Variants in TMEM132B observed in about 807,000 individuals in gnomAD.
The protein encoded by TMEM132B is transmembrane protein 132B.
Under a neutral mutation model 90.8 loss-of-function variants are expected in TMEM132B, and 18 were observed. That is an observed-to-expected ratio of 0.20 (90% CI 0.14 to 0.29). The LOEUF (loss-of-function observed/expected upper bound fraction) is 0.29. Among genes scored for constraint, TMEM132B ranks in the 10% least tolerant of loss-of-function variants. The pLI, the probability that TMEM132B is intolerant of heterozygous loss-of-function variation, is 1.00. For missense variants in TMEM132B, 1,096 were observed against 1,326.8 expected (o/e 0.83, Z 2.70); for synonymous variants, 504 against 523.3 (o/e 0.96, Z 0.50).
intron 1 of TMEM132B, among the ~76,000 whole-genome samples, chr12:125,285,779 G>A (rs997857529): frequency 1.3e-5 from 2 of 152,220 alleles, no homozygotes; most frequent in Non-Finnish European, 2.9e-5. Context: ...TCCAGGGCCT[G>A]GCCTGGGGCG....
At chr12:125,373,222 G>C (rs147698151) in intron 2 of TMEM132B, among the ~76,000 whole-genome samples, 2 of 152,170 alleles carry the variant, frequency 1.3e-5, no homozygotes, top group Non-Finnish European at 2.9e-5. Flanking sequence ...GGAACCACAC[G>C]CCTTTACATC....
intron 5 of TMEM132B, among the ~76,000 whole-genome samples, chr12:125,608,531 T>G (rs1344718871): frequency 1.3e-5 from 2 of 152,222 alleles, no homozygotes; most frequent in Non-Finnish European, 2.9e-5. Context: ...TCCTTTCATT[T>G]TTCTGATAGT....
chr12:125,287,130 C>G (rs916466315), intron 1 of TMEM132B, among the ~76,000 whole-genome samples: 3 of 151,638 alleles, frequency 2.0e-5, no homozygotes, highest in Admixed American at 6.6e-5. Flanking sequence ...CTCCATCTCT[C>G]TCTGTCTCTG....
At position 125,498,527 on chromosome 12, in the gene TMEM132B, A is replaced by G. The variant is rs1882615562; in HGVS notation, c.1107-20912A>G. ...CTAGCAGAGAAATGTCTGTGATTAC[A>G]TAATAGGACATTGCAGTCCATGTGC... On this transcript the variant is annotated intron_variant, in intron 3 of 8. Coordinates refer to ENST00000682704, the MANE Select transcript of TMEM132B (RefSeq NM_001366854.1). The surrounding 1 kb of genome is among the most constrained non-coding windows in gnomAD (Gnocchi z 4.5). Among the ~76,000 whole-genome samples, 1 of 152,218 alleles carries G rather than the reference A, an allele frequency of 6.6e-6. No individual in the cohort carries two copies. The highest frequency in any genetic ancestry group is 2.4e-5 in the African/African-American group (1 of 41,456).
intron 3 of TMEM132B, among the ~76,000 whole-genome samples, chr12:125,511,929 G>A (rs947136757): frequency 6.6e-6 from 1 of 151,790 alleles, no homozygotes; most frequent in African/African-American, 2.4e-5. Flanking sequence ...CCTAGGAAGT[G>A]TCCCTCATCC....
At chr12:125,299,795 C>G (rs759808271) in intron 1 of TMEM132B, among the ~76,000 whole-genome samples, 4 of 152,228 alleles carry the variant, frequency 2.6e-5, no homozygotes, top group Non-Finnish European at 5.9e-5. Flanking sequence ...TCACCCTGGT[C>G]TAAGTGACCC....
intron 3 of TMEM132B, among the ~76,000 whole-genome samples, chr12:125,467,788 C>G (rs2136488614): frequency 6.6e-6 from 1 of 152,326 alleles, no homozygotes; most frequent in African/African-American, 2.4e-5. Flanking sequence ...TTCTCATAAC[C>G]TCTAATCTGC....
chr12:125,426,819 C>G (rs767919029), intron 3 of TMEM132B, among the ~76,000 whole-genome samples: 42 of 152,136 alleles, frequency 2.8e-4, no homozygotes, highest in Non-Finnish European at 5.3e-4. Context: ...TGCTGGAAAC[C>G]CTAGTGCAAG....
chr12:125,251,119 A>G lies in TMEM132B; in HGVS notation c.67+64253A>G, dbSNP rs1048025029. 6.6e-6 allele frequency among the ~76,000 whole-genome samples: 1 copy of G among 152,252 alleles called. No individual in the cohort carries two copies. The highest frequency in any genetic ancestry group is 2.4e-5 in the African/African-American group (1 of 41,482). On this transcript the variant is annotated intron_variant, in intron 1 of 8. Transcript: ENST00000682704. This position sits in a 1 kb window ranked among gnomAD's most constrained non-coding sequence, Gnocchi z 4.4. ...CATCCCCTTTGATTTCTTCAGTAGG[A>G]CATCATCCTTCAATAGGGCAGAGGT...
At chr12:125,353,336 G>C (rs966613025) in intron 2 of TMEM132B, among the ~76,000 whole-genome samples, 1 of 151,492 alleles carries the variant, frequency 6.6e-6, no homozygotes, top group Non-Finnish European at 1.5e-5. Flanking sequence ...TCACTGCTGT[G>C]GGGGGTTGGC....
At chr12:125,617,791 T>C (rs1886026962) in intron 5 of TMEM132B, among the ~76,000 whole-genome samples, 1 of 152,162 alleles carries the variant, frequency 6.6e-6, no homozygotes, top group African/African-American at 2.4e-5. Context: ...GTCTGATACA[T>C]TAAATTCAGG....
intron 5 of TMEM132B, among the ~76,000 whole-genome samples, chr12:125,588,839 C>T (rs921416182): frequency 1.3e-5 from 2 of 152,116 alleles, no homozygotes; most frequent in African/African-American, 4.8e-5. Context: ...TGGTGGAAAT[C>T]TTGTCAGATG....
chr12:125,304,887 G>A (rs1275722786), intron 1 of TMEM132B, among the ~76,000 whole-genome samples: 1 of 152,120 alleles, frequency 6.6e-6, no homozygotes, highest in Non-Finnish European at 1.5e-5. Context: ...CACATTCGTA[G>A]TGCAGGTATT....
Position 125,406,348 on chromosome 12 carries a change from A to T in TMEM132B, c.960-9183A>T, listed in dbSNP as rs1166614198. ...GCGGGGTTGCACGAGGCATCTGTGT[A>T]TTAGCAGTGCAAGGCGGAGGACAGT... On this transcript the variant is annotated intron_variant, in intron 2 of 8. Transcript: ENST00000682704. The surrounding 1 kb of genome is among the most constrained non-coding windows in gnomAD (Gnocchi z 8.3). Among the ~76,000 whole-genome samples the T allele has an allele frequency of 2.0e-5, 3 of 152,246 alleles. No individual in the cohort carries two copies. Among genetic ancestry groups the T allele is most frequent in the Non-Finnish European group, 4.4e-5 (3 of 68,038 alleles).
At chr12:125,510,025 T>C (rs1882940195) in intron 3 of TMEM132B, among the ~76,000 whole-genome samples, 1 of 152,208 alleles carries the variant, frequency 6.6e-6, no homozygotes, top group Non-Finnish European at 1.5e-5. Context: ...TTCTGAAAAG[T>C]TGTATTTAAG....
At chr12:125,632,473 T>G (rs981090802) in intron 5 of TMEM132B, among the ~76,000 whole-genome samples, 2 of 152,166 alleles carry the variant, frequency 1.3e-5, no homozygotes, top group Non-Finnish European at 2.9e-5. Flanking sequence ...GTGTCCTTAC[T>G]ATTACTAGTG....
At position 125,432,528 on chromosome 12, in the gene TMEM132B, T is replaced by TATAGAGAG. The variant is rs1458075923; in HGVS notation, c.1106+16852_1106+16853insTAGAGAGA. On this transcript the variant is annotated intron_variant, in intron 3 of 8. Coordinates refer to ENST00000682704, the MANE Select transcript of TMEM132B (RefSeq NM_001366854.1). ...GTGTGTGTGTATATATATATATATA[T>TATAGAGAG]AGAGAGAGAGAGAGAGAGAGAGAGA... is the stretch of plus-strand genomic sequence containing the variant. Among the ~76,000 whole-genome samples the TATAGAGAG allele has an allele frequency of 2.3e-3, 91 of 39,122 alleles. 21 individuals are homozygous for TATAGAGAG. The highest frequency in any genetic ancestry group is 5.6e-3 in the South Asian group (6 of 1,078). 25.7% of individuals were successfully genotyped at this position (39,122 alleles called of 152,430 possible).
intron 3 of TMEM132B, among the ~76,000 whole-genome samples, chr12:125,472,873 G>T (rs942191525): frequency 7.9e-5 from 12 of 152,170 alleles, no homozygotes; most frequent in African/African-American, 2.9e-4. Context: ...AGTCTAAAGT[G>T]TTTTGTTGTA....
intron 2 of TMEM132B, among the ~76,000 whole-genome samples, chr12:125,395,554 T>A (rs187902005): frequency 6.6e-6 from 1 of 152,356 alleles, no homozygotes; most frequent in Admixed American, 6.5e-5. Flanking sequence ...ATCTGTTCTC[T>A]TGTCCTTGGA....
Sources: allele counts gnomAD v4.1 joint callset (sites outside exome capture counted in the v4.1 genomes callset), GRCh38; gene constraint gnomAD v4.1.1; non-coding constraint Gnocchi (gnomAD v3.1); transcripts MANE v1.5; gene names NCBI Gene and HGNC (gene_info 2026-07-23, HGNC 2026-07-21).